Variants in CADPS2 observed in about 807,000 individuals in gnomAD.
The protein encoded by CADPS2 is calcium dependent secretion activator 2.
In CADPS2, 93 loss-of-function variants were observed where a neutral mutation model predicts 172.5. The ratio of observed to expected loss-of-function variants is 0.54; its 90% CI spans 0.46 to 0.64. The LOEUF is 0.64. CADPS2 is among the 30% of genes least tolerant of loss of function. CADPS2 has a pLI of 0.00. For synonymous variants in CADPS2, 546 were observed against 555.2 expected, an observed-to-expected ratio of 0.98 and a Z score of 0.23; for missense variants, 1,420 against 1,565.9, an observed-to-expected ratio of 0.91 and a Z score of 1.57.
At chr7:122,482,790 G>T (rs554231359) in intron 11 of CADPS2, among the ~76,000 whole-genome samples, 1 of 152,092 alleles carries the variant, frequency 6.6e-6, no homozygotes, top group Non-Finnish European at 1.5e-5. Flanking sequence ...AGTAACTAGA[G>T]TTTGTAGGAA....
chr7:122,771,982 G>GGA (rs2093717810), intron 1 of CADPS2, among the ~76,000 whole-genome samples: 1 of 152,190 alleles, frequency 6.6e-6, no homozygotes, highest in Non-Finnish European at 1.5e-5. Context: ...AGTTCCAATA[G>GGA]ACCAGGTGAG....
At chr7:122,623,396 A>G (rs1318577066) in intron 4 of CADPS2, among the ~76,000 whole-genome samples, 1 of 152,182 alleles carries the variant, frequency 6.6e-6, no homozygotes, top group Non-Finnish European at 1.5e-5. Context: ...AAGGCAAAGC[A>G]ATGAGGGGGC....
intron 10 of CADPS2, among the ~76,000 whole-genome samples, chr7:122,490,506 G>A (rs886494520): frequency 6.6e-6 from 1 of 151,978 alleles, no homozygotes; most frequent in African/African-American, 2.4e-5. Flanking sequence ...AATAACCTAG[G>A]GAAACAGTCC....
chr7:122,591,110 C>T (rs1011533130), intron 6 of CADPS2, among the ~76,000 whole-genome samples: 4 of 152,010 alleles, frequency 2.6e-5, no homozygotes, highest in Non-Finnish European at 5.9e-5. Context: ...CCAAAATCTC[C>T]TTAAGCTGAT....
chr7:122,683,071 C>T (rs916936275), intron 2 of CADPS2, among the ~76,000 whole-genome samples: 5 of 152,160 alleles, frequency 3.3e-5, no homozygotes, highest in Non-Finnish European at 1.5e-5. Flanking sequence ...CAGGAAGAAT[C>T]AGGTCACATG....
In CADPS2 at chr7:122,388,745, G is replaced by C. The variant is rs776953240; in HGVS notation, c.3009-7C>G. ...TGATGTTGCTGAGCCATTGCTAGAA[G>C]AAAAAGGAAAAATGAACATCATGAA... On this transcript the variant is annotated splice_polypyrimidine_tract_variant and splice_region_variant and intron_variant, in intron 22 of 29. Transcript: ENST00000449022. 4 of 1,586,252 alleles carry C rather than the reference G, an allele frequency of 2.5e-6. No individual in the cohort carries two copies. Among genetic ancestry groups the C allele is most frequent in the Non-Finnish European group, 3.4e-6 (4 of 1,163,038 alleles).
At chr7:122,711,441 A>G (rs2088703319) in intron 2 of CADPS2, among the ~76,000 whole-genome samples, 1 of 152,106 alleles carries the variant, frequency 6.6e-6, no homozygotes, top group Non-Finnish European at 1.5e-5. Context: ...AATTATGTAT[A>G]CCATGGTACC....
At chr7:122,656,336 T>A (rs2079787042) in intron 3 of CADPS2, among the ~76,000 whole-genome samples, 1 of 151,982 alleles carries the variant, frequency 6.6e-6, no homozygotes, top group African/African-American at 2.4e-5. Flanking sequence ...GCAGAAAGGT[T>A]TTGCCTGAGG....
chr7:122,386,838 T>C (rs1358777578), intron 24 of CADPS2, among the ~76,000 whole-genome samples, 188 bp downstream of exon 24: 2 of 152,136 alleles, frequency 1.3e-5, no homozygotes, highest in Non-Finnish European at 2.9e-5. Flanking sequence ...AGACCATATT[T>C]ATATCAAAAA....
At chr7:122,369,363 C>A (rs1215736840) in intron 25 of CADPS2, among the ~76,000 whole-genome samples, 1 of 151,960 alleles carries the variant, frequency 6.6e-6, no homozygotes, top group Non-Finnish European at 1.5e-5. Context: ...GATCTCCTGA[C>A]CTCGTGATCC....
intron 1 of CADPS2, among the ~76,000 whole-genome samples, chr7:122,866,421 C>T (rs1245993489): frequency 2.6e-5 from 4 of 152,104 alleles, no homozygotes; most frequent in African/African-American, 7.2e-5. Flanking sequence ...CTCTGGTGGC[C>T]GGGTGCAGTG....
chr7:122,611,352 G>A (rs867885897), intron 6 of CADPS2, among the ~76,000 whole-genome samples: 1 of 151,888 alleles, frequency 6.6e-6, no homozygotes, highest in Admixed American at 6.6e-5. Flanking sequence ...TACTAGAATC[G>A]GAAACGGAAA....
chr7:122,786,146 C>T (rs75997753), intron 1 of CADPS2, among the ~76,000 whole-genome samples: 4 of 152,132 alleles, frequency 2.6e-5, no homozygotes, highest in Non-Finnish European at 4.4e-5. Flanking sequence ...AGGGATAACA[C>T]GGACTTTTAT....
In CADPS2 at chr7:122,708,726, T is replaced by C. The variant is rs1031260792; in HGVS notation, c.453+28229A>G. On this transcript the variant is annotated intron_variant, in intron 2 of 29. Transcript: ENST00000449022. Reference sequence around the variant, plus strand: ...TCTTCTTCATTCAGAATTCAAGTCATGGTCTACATAACTTTAACAATAAAT... The same window carrying C: ...TCTTCTTCATTCAGAATTCAAGTCACGGTCTACATAACTTTAACAATAAAT... 4.6e-5 allele frequency among the ~76,000 whole-genome samples: 7 copies of C among 151,742 alleles called. No homozygotes were observed. In the East Asian group the frequency reaches 1.4e-3, roughly 29 times the overall value.
intron 17 of CADPS2, among the ~76,000 whole-genome samples, chr7:122,423,560 T>C (rs1483949772): frequency 2.0e-5 from 3 of 152,208 alleles, no homozygotes; most frequent in African/African-American, 7.2e-5. Context: ...GATGTGGCAC[T>C]GCCAACTAAT....
intron 8 of CADPS2, among the ~76,000 whole-genome samples, chr7:122,548,115 C>T (rs548584820): frequency 1.3e-5 from 2 of 152,238 alleles, no homozygotes; most frequent in African/African-American, 4.8e-5. Flanking sequence ...CACTTGTAAT[C>T]TCAGCACTTT....
chr7:122,570,694 T>C (rs1402140730), intron 7 of CADPS2, among the ~76,000 whole-genome samples: 15 of 151,780 alleles, frequency 9.9e-5, no homozygotes, highest in Non-Finnish European at 1.8e-4. Flanking sequence ...CATAGAATAC[T>C]ATGCAGCCAT....
chr7:122,728,992 T>C (rs1169297884), intron 2 of CADPS2, among the ~76,000 whole-genome samples: 1 of 151,790 alleles, frequency 6.6e-6, no homozygotes, highest in Non-Finnish European at 1.5e-5. Context: ...TTTGTATCCA[T>C]TACCCAACCT....
At chr7:122,885,899 G>A in intron 1 of CADPS2, 100 bp downstream of exon 1, 1 of 1,357,698 alleles carries the variant, frequency 7.4e-7, no homozygotes, top group Non-Finnish European at 1.0e-6. Flanking sequence ...AAAATACGGT[G>A]TCCTGCGTTT....
Sources: gnomAD v4.1 joint callset for allele counts (sites outside exome capture counted in the v4.1 genomes callset) on GRCh38, gnomAD v4.1.1 for gene constraint, MANE v1.5 for transcripts, NCBI Gene and HGNC (gene_info 2026-07-23, HGNC 2026-07-21) for gene names.